The following SP1 variants were observed in gnomAD, a reference collection of about 807,000 sequenced individuals.
The protein encoded by SP1 is Sp1 transcription factor.
In SP1, 6 loss-of-function variants were observed where a neutral mutation model predicts 66.3. The ratio of observed to expected loss-of-function variants is 0.09; its 90% CI spans 0.05 to 0.18. The LOEUF is 0.18. Among genes scored for constraint, SP1 ranks in the 10% least tolerant of loss-of-function variants. The pLI is 1.00. For missense variants in SP1, 848 were observed against 964.5 expected, an observed-to-expected ratio of 0.88 and a Z score of 1.60; for synonymous variants, 417 against 360.8, an observed-to-expected ratio of 1.16 and a Z score of -1.77.
chr12:53,408,927 AAAAG>A (rs951438097), intron 4 of SP1, among the ~76,000 whole-genome samples: 76 of 149,222 alleles, frequency 5.1e-4, no homozygotes, highest in African/African-American at 1.9e-3. Flanking sequence ...ACGAACAAAA[AAAAG>A]AAGCCTTGGT....
chr12:53,401,803 G>A (rs565219970), intron 3 of SP1, among the ~76,000 whole-genome samples: 2 of 152,102 alleles, frequency 1.3e-5, no homozygotes, highest in South Asian at 2.1e-4. Flanking sequence ...CAAGTAGCTA[G>A]GATTACAGGC....
rs1938915629 is a variant in SP1, at chr12:53,412,546, ACTC to A, written c.*1311_*1313del. 6.6e-6 allele frequency: 1 copy of A among 152,222 alleles called. No individual in the cohort carries two copies. The highest frequency in any genetic ancestry group is 2.4e-5 in the African/African-American group (1 of 41,318). The allele number at this position is 152,222 out of a possible 1,614,324, so 9.4% of individuals were successfully genotyped here. On this transcript the variant is annotated 3_prime_UTR_variant, in exon 6 of 6. Coordinates refer to ENST00000327443, the MANE Select transcript of SP1 (RefSeq NM_138473.3). ...CTGTTTCAGGTTTCCATTCTGCAGAACTCCTCCAAAGCATGTGCTAGTGGCAAG... is the reference window on the plus strand; with the variant it reads ...CTGTTTCAGGTTTCCATTCTGCAGAACTCCAAAGCATGTGCTAGTGGCAAG...
intron 3 of SP1, among the ~76,000 whole-genome samples, chr12:53,403,625 G>C (rs1026902208): frequency 9.9e-5 from 15 of 151,940 alleles, no homozygotes; most frequent in Middle Eastern, 6.8e-3. Flanking sequence ...AAGGTGCTGG[G>C]ATTATAGGCA....
At position 53,382,104 on chromosome 12, in the gene SP1, G is replaced by A; in HGVS notation, c.163-6G>A. 1 of 1,612,474 alleles carries A rather than the reference G, an allele frequency of 6.2e-7. No homozygotes were observed. The highest frequency in any genetic ancestry group is 8.5e-7 in the Non-Finnish European group (1 of 1,179,286). Reference sequence around the variant, plus strand: ...AACTCCTTTCCTCTCCCTTATTTTCGGCCAGGAGTCCCAGCCATCCCCTTT... The same window carrying A: ...AACTCCTTTCCTCTCCCTTATTTTCAGCCAGGAGTCCCAGCCATCCCCTTT... On this transcript the variant is annotated splice_region_variant and splice_polypyrimidine_tract_variant and intron_variant, in intron 2 of 5. Transcript: ENST00000327443.
intron 3 of SP1, among the ~76,000 whole-genome samples, chr12:53,396,721 T>TA (rs1189899959): frequency 2.0e-5 from 3 of 152,340 alleles, no homozygotes; most frequent in African/African-American, 7.2e-5. Flanking sequence ...CAGACAAATG[T>TA]ATGAAATAAT....
At position 53,382,221 on chromosome 12, in the gene SP1, G is replaced by C; in HGVS notation, c.274G>C (p.Glu92Gln). 6.2e-7 allele frequency: 1 copy of C among 1,614,168 alleles called. No homozygotes were observed. The highest frequency in any genetic ancestry group is 1.1e-5 in the South Asian group (1 of 91,086). The change falls in exon 3 of 6, where the codon GAG becomes CAG. Residue 92 changes from glutamate to glutamine, a missense_variant. Around this residue, in one of 7 missense-constraint regions of SP1, gnomAD observed 606 missense variants for 589.9 expected, o/e 1.03. Coordinates refer to ENST00000327443, the MANE Select transcript of SP1 (RefSeq NM_138473.3). ...QGPSQSGGTG[E>Q]LDLTATQLSQ... ...CCCGAGTCAGTCAGGGGGAACAGGT[G>C]AGCTTGACCTCACAGCCACACAACT... is the stretch of plus-strand genomic sequence containing the variant.
Position 53,414,116 on chromosome 12 carries a change from T to C in SP1, c.*2876T>C, listed in dbSNP as rs1938949385. The C allele has an allele frequency of 6.9e-6, 1 of 145,984 alleles. No individual in the cohort carries two copies. Among genetic ancestry groups the C allele is most frequent in the South Asian group, 2.1e-4 (1 of 4,704 alleles). The allele number at this position is 145,984 out of a possible 1,614,324, so 9.0% of individuals were successfully genotyped here. A position where few individuals can be genotyped will look rare whatever the true frequency, so the allele number is the denominator to read the frequency against. ...GAAAAACCCCGTTTCCCTGAACTTTTGGCTAACAGAAATTAATTTAACTGA... is the reference window on the plus strand; with the variant it reads ...GAAAAACCCCGTTTCCCTGAACTTTCGGCTAACAGAAATTAATTTAACTGA... On this transcript the variant is annotated 3_prime_UTR_variant, in exon 6 of 6. Coordinates refer to ENST00000327443, the MANE Select transcript of SP1 (RefSeq NM_138473.3).
At chr12:53,381,869 T>A (rs1031513220) in intron 2 of SP1, 56 bp downstream of exon 2, 2 of 1,557,922 alleles carry the variant, frequency 1.3e-6, no homozygotes, top group South Asian at 2.4e-5. Flanking sequence ...TATTCTTAGA[T>A]AATTGCCTTA....
At position 53,411,268 on chromosome 12, in the gene SP1, T is replaced by G. The variant is rs373114098; in HGVS notation, c.*28T>G. The stretch of plus-strand genomic sequence containing the variant: ...TCAGGCACCCGGGGCCAGAGACATA[T>G]GGGCCATACCCCTTAACCCCGGGAT... On this transcript the variant is annotated 3_prime_UTR_variant, in exon 6 of 6. Transcript: ENST00000327443. 6.3e-7 allele frequency: 1 copy of G among 1,581,734 alleles called. No homozygotes were observed. The highest frequency in any genetic ancestry group is 8.6e-7 in the Non-Finnish European group (1 of 1,158,944).
chr12:53,404,413 G>A (rs764251386), intron 3 of SP1, among the ~76,000 whole-genome samples: 6 of 151,650 alleles, frequency 4.0e-5, no homozygotes, highest in Admixed American at 6.6e-5. Flanking sequence ...GTGGTGGTGG[G>A]TGCCTGTAAT....
chr12:53,403,294 C>T (rs977352878), intron 3 of SP1, among the ~76,000 whole-genome samples: 1 of 152,118 alleles, frequency 6.6e-6, no homozygotes, highest in Admixed American at 6.6e-5. Flanking sequence ...TAGTTACTTT[C>T]TTTCCTTTTA....
intron 3 of SP1, among the ~76,000 whole-genome samples, chr12:53,395,797 C>T (rs1449783686): frequency 6.8e-6 from 1 of 147,070 alleles, no homozygotes; most frequent in African/African-American, 2.5e-5. Flanking sequence ...GAAACCCTGT[C>T]ACTACCAAAA....
chr12:53,411,576 C>T lies in SP1; in HGVS notation c.*336C>T, dbSNP rs1010900554. The T allele has an allele frequency of 5.4e-6, 1 of 185,446 alleles. No individual in the cohort carries two copies. Among genetic ancestry groups the T allele is most frequent in the Non-Finnish European group, 1.1e-5 (1 of 90,266 alleles). 11.5% of individuals were successfully genotyped at this position (185,446 alleles called of 1,614,324 possible). Reference sequence around the variant, plus strand: ...GCTCTTCCATGATGGATTCCCCCCCCTTTCCTAAAGCCATCATGCCTTGAT... The same window carrying T: ...GCTCTTCCATGATGGATTCCCCCCCTTTTCCTAAAGCCATCATGCCTTGAT... On this transcript the variant is annotated 3_prime_UTR_variant, in exon 6 of 6. Coordinates refer to ENST00000327443, the MANE Select transcript of SP1 (RefSeq NM_138473.3).
chr12:53,398,057 A>G (rs1938529191), intron 3 of SP1, among the ~76,000 whole-genome samples: 1 of 152,188 alleles, frequency 6.6e-6, no homozygotes, highest in South Asian at 2.1e-4. Context: ...AAATTAAACT[A>G]TTTTGGTCTG....
At chr12:53,406,828 A>T (rs1037914561) in intron 4 of SP1, 75 bp downstream of exon 4, 23 of 1,078,218 alleles carry the variant, frequency 2.1e-5, no homozygotes, top group Non-Finnish European at 2.9e-5. Flanking sequence ...AAGAAGATTA[A>T]TTTTTTTTTT....
intron 4 of SP1, 44 bp downstream of exon 4, chr12:53,406,797 A>G (rs1938749572): frequency 6.5e-7 from 1 of 1,528,552 alleles, no homozygotes; most frequent in Admixed American, 2.0e-5. Flanking sequence ...AAGAAAAATT[A>G]ATAGATTTGG....
At chr12:53,384,304 A>T (rs1938178211) in intron 3 of SP1, among the ~76,000 whole-genome samples, 1 of 135,502 alleles carries the variant, frequency 7.4e-6, no homozygotes, top group African/African-American at 2.8e-5. Context: ...TTTTTTTTTG[A>T]GATGGAGTCT....
At chr12:53,405,604 A>T (rs1212230524) in intron 3 of SP1, among the ~76,000 whole-genome samples, 1 of 151,532 alleles carries the variant, frequency 6.6e-6, no homozygotes, top group East Asian at 1.9e-4. Context: ...CAGGAGATGG[A>T]GGTTGCAGTG....
chr12:53,398,268 AC>A (rs1359739152), intron 3 of SP1, among the ~76,000 whole-genome samples: 1 of 152,186 alleles, frequency 6.6e-6, no homozygotes, highest in Non-Finnish European at 1.5e-5. Context: ...TAGGGCAGGA[AC>A]CACCTCTTTT....
Sources: allele counts gnomAD v4.1 joint callset (sites outside exome capture counted in the v4.1 genomes callset), GRCh38; gene constraint gnomAD v4.1.1; regional missense constraint gnomAD v4.1.1; transcripts MANE v1.5; gene names NCBI Gene and HGNC (gene_info 2026-07-23, HGNC 2026-07-21).